DMD: variants seen among roughly 807,000 people sequenced by gnomAD.
The protein encoded by DMD is dystrophin.
DMD carries 63 observed loss-of-function variants against 330.1 expected under a neutral mutation model. The ratio of observed to expected loss-of-function variants is 0.19; its 90% CI spans 0.16 to 0.24. The LOEUF is 0.24. DMD is among the 10% of genes least tolerant of loss of function. The pLI is 1.00. For synonymous variants in DMD, 1,223 were observed against 959.8 expected (o/e 1.27, Z -5.07); for missense variants, 3,344 against 2,684.1 (o/e 1.25, Z -5.43).
chrX:32,025,520 C>A (rs1282863532), intron 44 of DMD, among the ~76,000 whole-genome samples: 1 of 111,601 alleles, frequency 9.0e-6, no homozygotes, highest in Non-Finnish European at 1.9e-5. Context: ...TTGGACATTG[C>A]TGATTTAGGA....
intron 1 of DMD, among the ~76,000 whole-genome samples, chrX:33,183,558 T>A (rs2050099935): frequency 9.0e-6 from 1 of 111,672 alleles, no homozygotes; most frequent in Non-Finnish European, 1.9e-5. Context: ...CACAAGAGCA[T>A]GTGCTGAGAT....
At chrX:33,084,431 C>T (rs1052411624) in intron 1 of DMD, among the ~76,000 whole-genome samples, 1 of 112,183 alleles carries the variant, frequency 8.9e-6, no homozygotes, top group Non-Finnish European at 1.9e-5. Flanking sequence ...TCGGTCTCCC[C>T]AGGCATTCGG....
intron 60 of DMD, among the ~76,000 whole-genome samples, chrX:31,426,159 G>A (rs1355655616): frequency 3.1e-5 from 3 of 96,547 alleles, no homozygotes; most frequent in African/African-American, 4.9e-5. Flanking sequence ...TATTATTAAC[G>A]ATAGGGTTTT....
chrX:32,391,036 T>TAGTAA lies in DMD; in HGVS notation c.4234-860_4234-856dup, dbSNP rs758970048. On this transcript the variant is annotated intron_variant, in intron 30 of 78. Transcript: ENST00000357033. ...TAAAGACATTTTCGATCAAGTTCTA[T>TAGTAA]AGTAAAGTATATTCTGCATTTAACA... Among the ~76,000 whole-genome samples, 541 of 112,052 alleles carry TAGTAA rather than the reference T, an allele frequency of 4.8e-3. 4 individuals are homozygous for TAGTAA. The highest frequency in any genetic ancestry group is 0.017 in the African/African-American group (524 of 30,863).
intron 60 of DMD, among the ~76,000 whole-genome samples, chrX:31,350,949 A>G (rs1198222023): frequency 9.1e-6 from 1 of 109,981 alleles, no homozygotes; most frequent in Non-Finnish European, 1.9e-5. Context: ...GGCCTGCTTG[A>G]GCTGGGATGT....
At chrX:32,388,764 G>A (rs974366638) in intron 32 of DMD, among the ~76,000 whole-genome samples, 2 of 110,277 alleles carry the variant, frequency 1.8e-5, no homozygotes, top group African/African-American at 6.6e-5. Context: ...TCTAATGGCC[G>A]ATAGTACATG....
intron 7 of DMD, among the ~76,000 whole-genome samples, chrX:32,714,136 T>C (rs1449371544): frequency 1.8e-5 from 2 of 111,594 alleles, no homozygotes; most frequent in Non-Finnish European, 3.8e-5. Flanking sequence ...AGTCAAACCA[T>C]CTTAAGTCAG....
rs188638656 is a variant in DMD at position 32,809,898 on chromosome X, T to G, written c.531-287A>C. On this transcript the variant is annotated intron_variant, in intron 6 of 78. Transcript: ENST00000357033. ...GAAGTTCAAGACCAGCCTAGACAAT[T>G]TGGTGAAACCTTGTTTCTACCAAAA... Among the ~76,000 whole-genome samples the G allele has an allele frequency of 3.1e-3, 271 of 88,081 alleles. 2 individuals carry two copies. The highest frequency in any genetic ancestry group is 0.012 in the African/African-American group (263 of 21,827). 76.5% of individuals were successfully genotyped at this position (88,081 alleles called of 115,157 possible).
Position 31,220,909 on chromosome X carries a change from T to G in DMD, c.9361+2138A>C, listed in dbSNP as rs770189081. On this transcript the variant is annotated intron_variant, in intron 64 of 78. Transcript: ENST00000357033. Reference sequence around the variant, plus strand: ...TTTTTTTTTGCGATTTTTTTTTTTTTTTTTTTTTTTTTAGCTCATCAGCTA... The same window carrying G: ...TTTTTTTTTGCGATTTTTTTTTTTTGTTTTTTTTTTTTAGCTCATCAGCTA... 1.4e-3 allele frequency among the ~76,000 whole-genome samples: 138 copies of G among 95,315 alleles called. 1 individual carries two copies. The highest frequency in any genetic ancestry group is 5.1e-3 in the African/African-American group (131 of 25,866). 82.8% of individuals were successfully genotyped at this position (95,315 alleles called of 115,157 possible).
chrX:33,135,512 G>A lies in DMD; in HGVS notation c.31+75770C>T, dbSNP rs183639092. On this transcript the variant is annotated intron_variant, in intron 1 of 78. Coordinates refer to ENST00000357033, the MANE Select transcript of DMD (RefSeq NM_004006.3). ...CATCCTATTAATATATTTATATGCA[G>A]ACATAAAAAAATCACATTCTTATGG... is the stretch of plus-strand genomic sequence containing the variant. 6.7e-3 allele frequency among the ~76,000 whole-genome samples: 750 copies of A among 112,053 alleles called. 5 individuals carry two copies. Among genetic ancestry groups the A allele is most frequent in the Middle Eastern group, 0.06 (13 of 217 alleles).
intron 53 of DMD, among the ~76,000 whole-genome samples, chrX:31,664,683 T>A (rs1177803298): frequency 2.8e-5 from 3 of 105,574 alleles, no homozygotes; most frequent in East Asian, 2.9e-4. Context: ...TTTTTTTTTT[T>A]AACTTTTATC....
In DMD at chrX:31,507,356, G is replaced by T. The variant is rs758105917; in HGVS notation, c.8315C>A (p.Ala2772Glu). The T allele has an allele frequency of 8.3e-7, 1 of 1,211,115 alleles. No homozygotes were observed. The highest frequency in any genetic ancestry group is 1.1e-6 in the Non-Finnish European group (1 of 894,975). Residue 2772 changes from alanine to glutamate, a missense_variant, in exon 56 of 79, where the codon GCA becomes GAA. Physicochemically the swap from Ala to Glu is moderately radical, Grantham distance 107. Coordinates refer to ENST00000357033, the MANE Select transcript of DMD (RefSeq NM_004006.3). ...ILRSLEGSDD[A>E]VLLQRRLDNM... ...ATCCAAACGTCTTTGTAACAGGACT[G>T]CATCATCGGAACCTTCCAGGGATCT...
At chrX:32,349,598 C>T (rs1278054422) in intron 37 of DMD, among the ~76,000 whole-genome samples, 1 of 111,442 alleles carries the variant, frequency 9.0e-6, no homozygotes, top group Non-Finnish European at 1.9e-5. Context: ...TAGATGGCAA[C>T]TTCTGGTGAA....
chrX:31,779,121 A>G, intron 50 of DMD, among the ~76,000 whole-genome samples: 1 of 111,806 alleles, frequency 8.9e-6, no homozygotes, highest in Non-Finnish European at 1.9e-5. Flanking sequence ...TTTCCTGTTA[A>G]GTCAATATTT....
intron 63 of DMD, among the ~76,000 whole-genome samples, chrX:31,230,630 C>A (rs1483811429): frequency 4.9e-5 from 5 of 102,368 alleles, no homozygotes; most frequent in African/African-American, 1.8e-4. Context: ...GCCTGGGCGA[C>A]AGAATGAGAC....
At chrX:33,299,911 G>A (rs1479166763) in intron 1 of DMD, among the ~76,000 whole-genome samples, 1 of 111,785 alleles carries the variant, frequency 8.9e-6, no homozygotes, top group Non-Finnish European at 1.9e-5. Flanking sequence ...ATAGCATGCT[G>A]CAAATCCTAC....
intron 38 of DMD, 73 bp from the exon 39 acceptor site, chrX:32,346,153 G>C (rs2097763221): frequency 1.8e-6 from 2 of 1,086,118 alleles, no homozygotes; most frequent in Non-Finnish European, 1.3e-6. Flanking sequence ...GAGATAATAA[G>C]ACATGTTATT....
intron 64 of DMD, among the ~76,000 whole-genome samples, chrX:31,214,930 CTTTTTTCTTT>C (rs1453490572): frequency 4.3e-5 from 2 of 46,132 alleles, no homozygotes; most frequent in African/African-American, 1.6e-4. Context: ...TTTTTTATTT[CTTTTTTCTTT>C]TTTTTTTTTT....
At chrX:32,515,841 A>G (rs1181815318) in intron 18 of DMD, among the ~76,000 whole-genome samples, 1 of 111,830 alleles carries the variant, frequency 8.9e-6, no homozygotes, top group Non-Finnish European at 1.9e-5. Context: ...TGGTCCAGGG[A>G]CATTTTGATT....
Sources: allele counts gnomAD v4.1 joint callset (sites outside exome capture counted in the v4.1 genomes callset), GRCh38; gene constraint gnomAD v4.1.1; transcripts MANE v1.5; gene names NCBI Gene and HGNC (gene_info 2026-07-23, HGNC 2026-07-21).